Variants in MOB1B observed in about 807,000 individuals in gnomAD.
MOB1B encodes MOB1 Mps One Binder homolog B.
MOB1B carries 19 observed loss-of-function variants against 24.4 expected under a neutral mutation model. The observed-to-expected ratio is 0.78, with a 90% CI of 0.54 to 1.14. The LOEUF is 1.14. Among genes scored for constraint, MOB1B ranks in the 50% most tolerant of loss-of-function variants. MOB1B has a pLI of 0.00. For missense variants in MOB1B, 243 were observed against 259.6 expected, an observed-to-expected ratio of 0.94 and a Z score of 0.44; for synonymous variants, 76 against 82.1, an observed-to-expected ratio of 0.93 and a Z score of 0.40.
At chr4:70,955,464 CTTTTTTTTTTTT>C (rs36054184) in intron 1 of MOB1B, among the ~76,000 whole-genome samples, 1 of 89,332 alleles carries the variant, frequency 1.1e-5, no homozygotes, top group Admixed American at 1.3e-4. Flanking sequence ...AGTATGTGTC[CTTTTTTTTTTTT>C]TTTTTTTTTT....
intron 1 of MOB1B, among the ~76,000 whole-genome samples, chr4:70,953,150 G>C (rs113369216): frequency 0.011 from 1,677 of 151,912 alleles, 30 homozygotes; most frequent in African/African-American, 0.039. Flanking sequence ...TGTTGGCCAG[G>C]CTGTTCTTGA....
rs1739397323 is a variant in MOB1B at position 70,986,858 on chromosome 4, C to G, written c.*4801C>G. ...TTTAAGGCTTTCCTAATAGGCTGATCACAGAGAATAATCCATTTTGAAGGT... is the reference window on the plus strand; with the variant it reads ...TTTAAGGCTTTCCTAATAGGCTGATGACAGAGAATAATCCATTTTGAAGGT... On this transcript the variant is annotated 3_prime_UTR_variant, in exon 6 of 6. Transcript: ENST00000309395. The G allele has an allele frequency of 1.3e-5, 2 of 152,098 alleles. No homozygotes were observed. Among genetic ancestry groups the G allele is most frequent in the Admixed American group, 1.3e-4 (2 of 15,274 alleles). The allele number at this position is 152,098 out of a possible 1,614,324, so 9.4% of individuals were successfully genotyped here.
chr4:70,947,133 CA>C (rs1236942439), intron 1 of MOB1B, among the ~76,000 whole-genome samples: 1 of 152,120 alleles, frequency 6.6e-6, no homozygotes, highest in African/African-American at 2.4e-5. Flanking sequence ...CGTGAAATAT[CA>C]GACAAATTAC....
intron 1 of MOB1B, among the ~76,000 whole-genome samples, chr4:70,954,645 A>G (rs2148891716): frequency 6.6e-6 from 1 of 151,980 alleles, no homozygotes; most frequent in South Asian, 2.1e-4. Context: ...TAGTACAGAT[A>G]GGGTTTCACC....
At chr4:70,946,073 TTTTG>T (rs1737565022) in intron 1 of MOB1B, among the ~76,000 whole-genome samples, 2 of 144,508 alleles carry the variant, frequency 1.4e-5, no homozygotes, top group Non-Finnish European at 3.0e-5. Context: ...CTAAGCTGGT[TTTTG>T]TTTGTTCTTT....
intron 1 of MOB1B, among the ~76,000 whole-genome samples, chr4:70,930,642 T>A (rs1234047102): frequency 6.6e-6 from 1 of 152,222 alleles, no homozygotes; most frequent in East Asian, 1.9e-4. Context: ...CTGTGCATGA[T>A]TGTATGTGTG....
At chr4:70,921,108 A>G (rs1736419431) in intron 1 of MOB1B, among the ~76,000 whole-genome samples, 2 of 152,248 alleles carry the variant, frequency 1.3e-5, no homozygotes. Context: ...AATGAAAACT[A>G]GAAGCAAAAA....
chr4:70,966,643 G>C (rs1380229930), intron 2 of MOB1B, among the ~76,000 whole-genome samples: 1 of 151,916 alleles, frequency 6.6e-6, no homozygotes, highest in Non-Finnish European at 1.5e-5. Context: ...CAAAGTGCTG[G>C]GATTACAGGC....
chr4:70,906,971 CT>C (rs939529903), intron 1 of MOB1B, among the ~76,000 whole-genome samples: 2 of 152,052 alleles, frequency 1.3e-5, no homozygotes, highest in Non-Finnish European at 2.9e-5. Context: ...TCTACTTAGG[CT>C]TTAGGAAAGT....
At chr4:70,922,095 A>G (rs1028601256) in intron 1 of MOB1B, among the ~76,000 whole-genome samples, 2 of 152,232 alleles carry the variant, frequency 1.3e-5, no homozygotes, top group African/African-American at 4.8e-5. Flanking sequence ...CATTTTGTAT[A>G]CAGAATTACG....
chr4:70,963,062 A>G (rs111344410), intron 2 of MOB1B, among the ~76,000 whole-genome samples: 28 of 152,300 alleles, frequency 1.8e-4, no homozygotes, highest in African/African-American at 6.5e-4. Context: ...TTGTAAAGAA[A>G]ATAAAAAATG....
chr4:70,942,368 T>A (rs1228309881), intron 1 of MOB1B, among the ~76,000 whole-genome samples: 1 of 152,076 alleles, frequency 6.6e-6, no homozygotes, highest in Admixed American at 6.5e-5. Flanking sequence ...AAAGTGGAAT[T>A]GCCATTTAAT....
At chr4:70,968,028 G>A (rs1738606421) in intron 2 of MOB1B, among the ~76,000 whole-genome samples, 1 of 152,008 alleles carries the variant, frequency 6.6e-6, no homozygotes, top group Non-Finnish European at 1.5e-5. Flanking sequence ...TTAATTTTTT[G>A]TAGTGATGGG....
At chr4:70,938,156 G>T (rs1175008718) in intron 1 of MOB1B, among the ~76,000 whole-genome samples, 2 of 151,812 alleles carry the variant, frequency 1.3e-5, no homozygotes, top group African/African-American at 4.8e-5. Flanking sequence ...TATAAGTAGG[G>T]CAATTAAAAA....
At chr4:70,928,750 A>G (rs1736756395) in intron 1 of MOB1B, among the ~76,000 whole-genome samples, 2 of 152,172 alleles carry the variant, frequency 1.3e-5, no homozygotes, top group Admixed American at 6.5e-5. Context: ...GATTTTTATA[A>G]TAAAAAAACT....
At chr4:70,955,402 A>G (rs1238191338) in intron 1 of MOB1B, among the ~76,000 whole-genome samples, 1 of 151,490 alleles carries the variant, frequency 6.6e-6, no homozygotes, top group Non-Finnish European at 1.5e-5. Context: ...TCTTTTCCTA[A>G]TTAATCACAC....
At chr4:70,960,575 C>G (rs1738263739) in intron 2 of MOB1B, among the ~76,000 whole-genome samples, 2 of 152,196 alleles carry the variant, frequency 1.3e-5, no homozygotes, top group South Asian at 4.1e-4. Flanking sequence ...CTTTTAGGAA[C>G]CAGGGGATTT....
intron 1 of MOB1B, among the ~76,000 whole-genome samples, chr4:70,954,604 C>T (rs936096032): frequency 5.7e-4 from 86 of 151,690 alleles, no homozygotes; most frequent in African/African-American, 1.9e-3. Flanking sequence ...TACAGGCCTG[C>T]GCCACCATGC....
intron 2 of MOB1B, among the ~76,000 whole-genome samples, chr4:70,963,734 C>T (rs1322218695): frequency 3.9e-5 from 6 of 151,980 alleles, no homozygotes; most frequent in South Asian, 2.1e-4. Flanking sequence ...GTGGGAAGAT[C>T]GCTTGAGCCC....
Sources: allele counts gnomAD v4.1 joint callset (sites outside exome capture counted in the v4.1 genomes callset), GRCh38; gene constraint gnomAD v4.1.1; transcripts MANE v1.5; gene names NCBI Gene and HGNC (gene_info 2026-07-23, HGNC 2026-07-21).